SGCD: variants seen among roughly 807,000 people sequenced by gnomAD.
SGCD encodes the protein sarcoglycan delta, also known as delta-sarcoglycan.
In SGCD, 18 loss-of-function variants were observed where a neutral mutation model predicts 36.6. The ratio of observed to expected loss-of-function variants is 0.49; its 90% CI spans 0.34 to 0.73. The LOEUF is 0.73. Ranked by LOEUF, SGCD falls within the 30% of genes least tolerant of loss-of-function variation. SGCD has a pLI of 0.01. For missense variants in SGCD, 387 were observed against 346.7 expected, an observed-to-expected ratio of 1.12 and a Z score of -0.92; for synonymous variants, 133 against 130.6, an observed-to-expected ratio of 1.02 and a Z score of -0.12.
intron 1 of SGCD, among the ~76,000 whole-genome samples, chr5:156,069,083 C>T (rs1240072164): frequency 1.3e-5 from 2 of 152,108 alleles, no homozygotes; most frequent in Non-Finnish European, 2.9e-5. Flanking sequence ...TGCCTGTTCA[C>T]TCTGATGGTA....
chr5:155,921,973 A>C (rs1178792413), intron 1 of SGCD, among the ~76,000 whole-genome samples: 1 of 152,246 alleles, frequency 6.6e-6, no homozygotes, highest in Non-Finnish European at 1.5e-5. Context: ...GTACTCTGGA[A>C]AGGGCAGTGG....
chr5:155,871,788 G>A (rs1012002303), intron 1 of SGCD, among the ~76,000 whole-genome samples: 1 of 152,206 alleles, frequency 6.6e-6, no homozygotes, highest in Non-Finnish European at 1.5e-5. Flanking sequence ...CAGGAGGTTT[G>A]CCAGTGAAGG....
chr5:155,981,955 G>A (rs1343149781), intron 1 of SGCD, among the ~76,000 whole-genome samples: 1 of 152,130 alleles, frequency 6.6e-6, no homozygotes, highest in East Asian at 1.9e-4. Context: ...AACAGGACAT[G>A]GATTATTCTA....
intron 3 of SGCD, among the ~76,000 whole-genome samples, chr5:156,169,816 C>T (rs1442316364): frequency 6.6e-6 from 1 of 151,678 alleles, no homozygotes; most frequent in Non-Finnish European, 1.5e-5. Flanking sequence ...AAGAAGGAGG[C>T]TAGTGTGGTT....
rs541764763 is a variant in SGCD, at chr5:156,590,486, C to A, written c.382+1168C>A. The stretch of plus-strand genomic sequence containing the variant: ...CCTTGCTTATATAACATCTGGCCCA[C>A]AGTCACAATGCTAAATAATTAAATA... On this transcript the variant is annotated intron_variant, in intron 5 of 8. Coordinates refer to ENST00000337851, the MANE Select transcript of SGCD (RefSeq NM_000337.6). 9.2e-4 allele frequency among the ~76,000 whole-genome samples: 140 copies of A among 152,304 alleles called. 2 individuals are homozygous for A. In the South Asian group the frequency reaches 0.027, roughly 29 times the overall value.
chr5:155,804,674 A>G, the SGCD span, among the ~76,000 whole-genome samples: 2 of 152,166 alleles, frequency 1.3e-5, no homozygotes, highest in African/African-American at 4.8e-5. Flanking sequence ...TCAGTACCCA[A>G]TCCGACCATA....
chr5:156,535,272 G>A (rs2113120855), intron 4 of SGCD, among the ~76,000 whole-genome samples: 1 of 152,266 alleles, frequency 6.6e-6, no homozygotes, highest in South Asian at 2.1e-4. Flanking sequence ...CAAAGCAAAG[G>A]TAGGTAGCCC....
intron 3 of SGCD, among the ~76,000 whole-genome samples, chr5:156,506,071 C>A (rs1756681117): frequency 6.6e-6 from 1 of 152,118 alleles, no homozygotes; most frequent in Non-Finnish European, 1.5e-5. Context: ...ACTGTATTTT[C>A]CTAGTAGGAT....
intron 1 of SGCD, among the ~76,000 whole-genome samples, chr5:155,951,964 C>A (rs1757556997): frequency 6.6e-6 from 1 of 152,224 alleles, no homozygotes; most frequent in Admixed American, 6.5e-5. Context: ...TGACTGGATT[C>A]TCAGCCTCAC....
intron 1 of SGCD, among the ~76,000 whole-genome samples, chr5:156,050,802 A>G (rs1759896295): frequency 6.8e-6 from 1 of 146,388 alleles, no homozygotes. Context: ...CCATTTATTT[A>G]TCCTCCATCT....
At chr5:156,616,103 GTCTC>G (rs892529720) in intron 6 of SGCD, among the ~76,000 whole-genome samples, 1 of 150,666 alleles carries the variant, frequency 6.6e-6, no homozygotes, top group Admixed American at 6.6e-5. Flanking sequence ...CCAAAACTTA[GTCTC>G]TCTCTCTTTC....
the SGCD span, among the ~76,000 whole-genome samples, chr5:155,750,552 T>C: frequency 5.9e-5 from 9 of 152,238 alleles, no homozygotes; most frequent in African/African-American, 1.9e-4. Context: ...ACCAGATTTC[T>C]CTAAGGGTCC....
Position 156,580,011 on chromosome 5 carries a change from A to G in SGCD, c.295-9220A>G, listed in dbSNP as rs558529462. 3.6e-4 allele frequency among the ~76,000 whole-genome samples: 55 copies of G among 152,232 alleles called. 1 individual carries two copies. The highest frequency in any genetic ancestry group is 2.2e-3 in the Admixed American group (34 of 15,298). The stretch of plus-strand genomic sequence containing the variant: ...TTGATGCAGTTTCTTCCTAGCATTG[A>G]TGGTCTTTACAATTTGGCATGTTTT... On this transcript the variant is annotated intron_variant, in intron 4 of 8. Coordinates refer to ENST00000337851, the MANE Select transcript of SGCD (RefSeq NM_000337.6).
rs60893052 is a variant in SGCD, at chr5:156,269,469, C to CA, written c.-43-60024dup. ...TAGGGGACAGAGTGAGACTCCGTCT[C>CA]AAAAAAAAAAAAAAAAAAAAAAAAA... On this transcript the variant is annotated intron_variant, in intron 3 of 9. Coordinates refer to the SGCD transcript ENST00000517913. 3.8e-3 allele frequency among the ~76,000 whole-genome samples: 115 copies of CA among 30,470 alleles called. 30 individuals are homozygous for CA. Among genetic ancestry groups the CA allele is most frequent in the East Asian group, 7.7e-3 (3 of 392 alleles). 20.0% of individuals were successfully genotyped at this position (30,470 alleles called of 152,430 possible).
intron 1 of SGCD, among the ~76,000 whole-genome samples, chr5:156,040,720 A>G (rs1006879246): frequency 2.0e-5 from 3 of 152,190 alleles, no homozygotes; most frequent in African/African-American, 7.2e-5. Flanking sequence ...GAGTGTGGGC[A>G]GATGCATGCC....
intron 3 of SGCD, among the ~76,000 whole-genome samples, chr5:156,446,775 T>G (rs1267975860): frequency 6.6e-6 from 1 of 152,130 alleles, no homozygotes; most frequent in Non-Finnish European, 1.5e-5. Context: ...GAGGATGAGA[T>G]AATAAGGCAA....
the SGCD span, among the ~76,000 whole-genome samples, chr5:155,784,227 G>A: frequency 6.6e-6 from 1 of 152,138 alleles, no homozygotes; most frequent in Non-Finnish European, 1.5e-5. Context: ...CATCTAATCT[G>A]TTACCACAGG....
intron 1 of SGCD, among the ~76,000 whole-genome samples, chr5:155,975,530 T>C (rs1758094072): frequency 6.6e-6 from 1 of 151,572 alleles, no homozygotes; most frequent in African/African-American, 2.4e-5. Flanking sequence ...TTTGTTTTTA[T>C]CATGAATGGA....
chr5:155,791,721 A>G, the SGCD span, among the ~76,000 whole-genome samples: 1 of 152,200 alleles, frequency 6.6e-6, no homozygotes, highest in Non-Finnish European at 1.5e-5. Context: ...AGATATCTAC[A>G]AGGAGAACTA....
Sources: allele counts gnomAD v4.1 joint callset (sites outside exome capture counted in the v4.1 genomes callset), GRCh38; gene constraint gnomAD v4.1.1; transcripts MANE v1.5; gene names NCBI Gene and HGNC (gene_info 2026-07-23, HGNC 2026-07-21).